TAFA1: variants seen among roughly 807,000 people sequenced by gnomAD.
The protein encoded by TAFA1 is TAFA chemokine like family member 1.
In TAFA1, 4 loss-of-function variants were observed where a neutral mutation model predicts 18.5. The ratio of observed to expected loss-of-function variants is 0.22; its 90% CI spans 0.11 to 0.49. TAFA1 has a LOEUF of 0.49. Among genes scored for constraint, TAFA1 ranks in the 20% least tolerant of loss-of-function variants. TAFA1 has a pLI of 0.98. For missense variants in TAFA1, 147 were observed against 169.0 expected (o/e 0.87, Z 0.72); for synonymous variants, 56 against 55.2 (o/e 1.01, Z -0.06).
At chr3:68,053,419 T>G (rs1475138592) in intron 2 of TAFA1, among the ~76,000 whole-genome samples, 1 of 152,144 alleles carries the variant, frequency 6.6e-6, no homozygotes, top group Non-Finnish European at 1.5e-5. Flanking sequence ...ATGAACTACC[T>G]GTAGAGTCTG....
chr3:68,128,307 A>G (rs1232396087), intron 2 of TAFA1, among the ~76,000 whole-genome samples: 1 of 152,190 alleles, frequency 6.6e-6, no homozygotes, highest in Non-Finnish European at 1.5e-5. Context: ...GCAAGACCAT[A>G]CATCCCGCTG....
chr3:68,427,038 T>C (rs896298339), intron 3 of TAFA1, among the ~76,000 whole-genome samples: 1 of 151,892 alleles, frequency 6.6e-6, no homozygotes, highest in African/African-American at 2.4e-5. Context: ...TCTGTCATGA[T>C]GTGTATGTCA....
At chr3:68,220,521 A>G in intron 2 of TAFA1, among the ~76,000 whole-genome samples, 1 of 152,154 alleles carries the variant, frequency 6.6e-6, no homozygotes, top group East Asian at 1.9e-4. Flanking sequence ...GAAGAAAAAA[A>G]AAAACTACTG....
At chr3:68,443,592 A>T (rs1278687706) in intron 3 of TAFA1, among the ~76,000 whole-genome samples, 1 of 152,082 alleles carries the variant, frequency 6.6e-6, no homozygotes, top group Non-Finnish European at 1.5e-5. Flanking sequence ...ACATTATGGC[A>T]GACAAGGAGA....
Position 68,008,540 on chromosome 3 carries a change from G to T in TAFA1, c.118+1796G>T, listed in dbSNP as rs185760202. Among the ~76,000 whole-genome samples, 164 of 152,232 alleles carry T rather than the reference G, an allele frequency of 1.1e-3. 2 individuals are homozygous for T. The South Asian group carries it at 0.018, about 17-fold the overall frequency. On this transcript the variant is annotated intron_variant, in intron 2 of 4. Coordinates refer to ENST00000478136, the MANE Select transcript of TAFA1 (RefSeq NM_213609.4). ...GCCCAGGAAACAGAAGCTCTGAAAG[G>T]TTAGGTGGCTTGTCTGAGGCCACAC...
At chr3:68,434,584 CTA>C (rs1197036058) in intron 3 of TAFA1, among the ~76,000 whole-genome samples, 1 of 152,036 alleles carries the variant, frequency 6.6e-6, no homozygotes, top group Non-Finnish European at 1.5e-5. Flanking sequence ...TTTGTTCTAT[CTA>C]TGACTTTTTC....
chr3:68,025,600 T>C (rs1205650616), intron 2 of TAFA1, among the ~76,000 whole-genome samples: 2 of 152,126 alleles, frequency 1.3e-5, no homozygotes, highest in Non-Finnish European at 2.9e-5. Context: ...CCACAGCATC[T>C]TCTCCTACTT....
chr3:68,239,713 G>A (rs892073686), intron 2 of TAFA1, among the ~76,000 whole-genome samples: 13 of 152,250 alleles, frequency 8.5e-5, no homozygotes, highest in African/African-American at 2.4e-4. Flanking sequence ...TTTAGTCAGG[G>A]AGAAGGAAGC....
chr3:68,408,537 T>G (rs2106770198), intron 2 of TAFA1, among the ~76,000 whole-genome samples: 1 of 152,334 alleles, frequency 6.6e-6, no homozygotes, highest in Non-Finnish European at 1.5e-5. Context: ...GATTAATTTA[T>G]ACATTCTGTC....
At chr3:68,127,312 A>C (rs2065475668) in intron 2 of TAFA1, among the ~76,000 whole-genome samples, 1 of 152,158 alleles carries the variant, frequency 6.6e-6, no homozygotes, top group Non-Finnish European at 1.5e-5. Context: ...AAAATGGACA[A>C]AGGGCGGAAT....
In TAFA1 at chr3:68,392,577, C is replaced by T. The variant is rs143662345; in HGVS notation, c.119-24703C>T. Among the ~76,000 whole-genome samples the T allele has an allele frequency of 7.2e-5, 11 of 152,226 alleles. No individual in the cohort carries two copies. The East Asian group carries it at 1.2e-3, about 16-fold the overall frequency. ...ATATACGTTCTTCTCAGCACCGTAT[C>T]GCACTTATTCTAAAACTGGCCACAT... On this transcript the variant is annotated intron_variant, in intron 2 of 4. Coordinates refer to ENST00000478136, the MANE Select transcript of TAFA1 (RefSeq NM_213609.4).
intron 2 of TAFA1, among the ~76,000 whole-genome samples, chr3:68,116,650 C>T (rs772846787): frequency 2.6e-5 from 4 of 152,156 alleles, no homozygotes; most frequent in Non-Finnish European, 5.9e-5. Context: ...TTGTCAATAT[C>T]GCATGATACT....
Position 68,346,795 on chromosome 3 carries a change from A to G in TAFA1, c.119-70485A>G, listed in dbSNP as rs145100713. Reference sequence around the variant, plus strand: ...TCCATATTCTTCAATAATGAGATGTACTGGTGCTTCCCAACTTCTTTTTCT... The same window carrying G: ...TCCATATTCTTCAATAATGAGATGTGCTGGTGCTTCCCAACTTCTTTTTCT... On this transcript the variant is annotated intron_variant, in intron 2 of 4. Transcript: ENST00000478136. Among the ~76,000 whole-genome samples, 9 of 152,328 alleles carry G rather than the reference A, an allele frequency of 5.9e-5. No individual in the cohort carries two copies. In the East Asian group the frequency reaches 1.7e-3, roughly 29 times the overall value.
intron 2 of TAFA1, among the ~76,000 whole-genome samples, chr3:68,050,542 TG>T (rs1281761801): frequency 3.3e-5 from 5 of 152,162 alleles, no homozygotes; most frequent in African/African-American, 1.2e-4. Context: ...GATAGGAATG[TG>T]TACAAAAGTA....
chr3:68,447,919 G>T (rs895827967), intron 3 of TAFA1, among the ~76,000 whole-genome samples: 1 of 152,184 alleles, frequency 6.6e-6, no homozygotes, highest in Admixed American at 6.5e-5. Context: ...TATTAAGTTG[G>T]TTAATCCTGC....
intron 2 of TAFA1, among the ~76,000 whole-genome samples, chr3:68,405,128 G>C (rs1337523690): frequency 2.0e-5 from 3 of 152,080 alleles, no homozygotes; most frequent in Non-Finnish European, 4.4e-5. Flanking sequence ...GTTGTTGACT[G>C]TACCTTTATA....
intron 3 of TAFA1, among the ~76,000 whole-genome samples, chr3:68,462,235 T>G (rs1423742351): frequency 6.6e-6 from 1 of 152,086 alleles, no homozygotes; most frequent in Non-Finnish European, 1.5e-5. Flanking sequence ...ACTGATATGG[T>G]TTGCCTGTGT....
intron 2 of TAFA1, among the ~76,000 whole-genome samples, chr3:68,116,654 T>A (rs2065328269): frequency 6.6e-6 from 1 of 152,200 alleles, no homozygotes; most frequent in South Asian, 2.1e-4. Flanking sequence ...CAATATCGCA[T>A]GATACTATTT....
chr3:68,371,023 A>G (rs1330676231), intron 2 of TAFA1, among the ~76,000 whole-genome samples: 3 of 152,060 alleles, frequency 2.0e-5, no homozygotes, highest in Non-Finnish European at 2.9e-5. Context: ...AACAAAATGC[A>G]CAACAGGCCA....
Sources: allele counts gnomAD v4.1 joint callset (sites outside exome capture counted in the v4.1 genomes callset), GRCh38; gene constraint gnomAD v4.1.1; transcripts MANE v1.5; gene names NCBI Gene and HGNC (gene_info 2026-07-23, HGNC 2026-07-21).